The following HECW1 variants were observed in gnomAD, a reference collection of about 807,000 sequenced individuals.
HECW1 encodes E3 ubiquitin-protein ligase HECW1.
Under a neutral mutation model 182.3 loss-of-function variants are expected in HECW1, and 61 were observed. The observed-to-expected ratio is 0.33, with a 90% confidence interval of 0.27 to 0.41. The LOEUF (loss-of-function observed/expected upper bound fraction) is 0.41, where lower values mean the gene tolerates loss of function less well. Ranked by LOEUF, HECW1 falls within the 10% of genes least tolerant of loss-of-function variation. The pLI is 1.00. For synonymous variants in HECW1, 859 were observed against 832.6 expected (o/e 1.03, Z -0.55); for missense variants, 1,739 against 2,108.9 (o/e 0.82, Z 3.44).
intron 2 of HECW1, among the ~76,000 whole-genome samples, chr7:43,206,781 A>C (rs1795520250): frequency 6.6e-6 from 1 of 152,176 alleles, no homozygotes; most frequent in Non-Finnish European, 1.5e-5. Context: ...ATCTCTTCAG[A>C]TGGTTTCTTA....
intron 5 of HECW1, among the ~76,000 whole-genome samples, chr7:43,356,805 A>C (rs1000285548): frequency 4.6e-5 from 7 of 151,014 alleles, no homozygotes; most frequent in African/African-American, 1.7e-4. Flanking sequence ...TGGAGAAATT[A>C]AGAAAAAAGT....
chr7:43,344,789 C>T (rs1391221779), intron 5 of HECW1, among the ~76,000 whole-genome samples: 1 of 152,024 alleles, frequency 6.6e-6, no homozygotes, highest in East Asian at 1.9e-4. Context: ...GTTGTTTAAT[C>T]TACTGTTAAA....
chr7:43,321,241 T>C (rs1410080913), intron 5 of HECW1, among the ~76,000 whole-genome samples: 1 of 152,222 alleles, frequency 6.6e-6, no homozygotes, highest in Non-Finnish European at 1.5e-5. Flanking sequence ...CTGTGAGACA[T>C]TGGTACTACC....
intron 6 of HECW1, among the ~76,000 whole-genome samples, chr7:43,372,208 G>T (rs186653858): frequency 1.5e-4 from 23 of 152,234 alleles, no homozygotes; most frequent in African/African-American, 4.8e-4. Flanking sequence ...TTAATAGTTA[G>T]AAAAATTATT....
At chr7:43,412,111 G>T (rs4724203) in intron 8 of HECW1, among the ~76,000 whole-genome samples, 37,123 of 151,840 alleles carry the variant, frequency 0.24, 5,243 homozygotes, top group East Asian at 0.7. Flanking sequence ...ACACGGCTTT[G>T]CGTTACTTCC....
At chr7:43,386,545 G>T (rs1395993045) in intron 6 of HECW1, among the ~76,000 whole-genome samples, 1 of 152,238 alleles carries the variant, frequency 6.6e-6, no homozygotes, top group African/African-American at 2.4e-5. Flanking sequence ...TACATGAGCT[G>T]CCAACACTTG....
In HECW1 at chr7:43,231,694, G is replaced by A. The variant is rs533883249; in HGVS notation, c.-31-12181G>A. Among the ~76,000 whole-genome samples, 9 of 152,206 alleles carry A rather than the reference G, an allele frequency of 5.9e-5. No individual in the cohort carries two copies. In the South Asian group the frequency reaches 1.9e-3, roughly 32 times the overall value. On this transcript the variant is annotated intron_variant, in intron 2 of 29. Coordinates refer to ENST00000395891, the MANE Select transcript of HECW1 (RefSeq NM_015052.5). ...AACCAAGTCCCGGTGGCAGCATTGA[G>A]GAGGGCACACAAAATGTATTCTGAC...
chr7:43,271,022 C>A (rs1802342134), intron 3 of HECW1, among the ~76,000 whole-genome samples: 1 of 152,128 alleles, frequency 6.6e-6, no homozygotes, highest in South Asian at 2.1e-4. Flanking sequence ...TAGATAACTT[C>A]ACTTCTCTAC....
intron 3 of HECW1, among the ~76,000 whole-genome samples, chr7:43,272,820 T>A (rs1802575682): frequency 6.6e-6 from 1 of 152,228 alleles, no homozygotes; most frequent in South Asian, 2.1e-4. Context: ...CATTACTCTG[T>A]GTATTTCCAA....
rs1381664188 is a variant in HECW1, at chr7:43,565,209, T to A, written c.*3283T>A. On this transcript the variant is annotated 3_prime_UTR_variant, in exon 30 of 30. Transcript: ENST00000395891. ...ATCTACTGAACTCTTTGTAATTTCCTATGTATATAAATGAGTGGAGGTTGT... is the reference window on the plus strand; with the variant it reads ...ATCTACTGAACTCTTTGTAATTTCCAATGTATATAAATGAGTGGAGGTTGT... 1 of 202,398 alleles carries A rather than the reference T, an allele frequency of 4.9e-6. No homozygotes were observed. Among genetic ancestry groups the A allele is most frequent in the Non-Finnish European group, 1.0e-5 (1 of 98,426 alleles). The allele number at this position is 202,398 out of a possible 1,614,324, so 12.5% of individuals were successfully genotyped here. A position where few individuals can be genotyped will look rare whatever the true frequency, so the allele number is the denominator to read the frequency against.
chr7:43,290,627 G>A (rs572955400), intron 3 of HECW1, among the ~76,000 whole-genome samples: 12 of 152,298 alleles, frequency 7.9e-5, no homozygotes, highest in East Asian at 1.9e-4. Flanking sequence ...GGTCCATCCC[G>A]TCAGTTGGGC....
At chr7:43,394,306 C>T (rs1277977645) in intron 6 of HECW1, among the ~76,000 whole-genome samples, 1 of 152,138 alleles carries the variant, frequency 6.6e-6, no homozygotes, top group Admixed American at 6.5e-5. Context: ...TGGTGTCAGC[C>T]ATTGATGGGA....
At chr7:43,446,088 G>A (rs2077045652) in intron 11 of HECW1, among the ~76,000 whole-genome samples, 1 of 152,140 alleles carries the variant, frequency 6.6e-6, no homozygotes, top group South Asian at 2.1e-4. Context: ...ATATAGATAT[G>A]TCTAGCCTAC....
At chr7:43,353,928 C>G (rs1428587488) in intron 5 of HECW1, among the ~76,000 whole-genome samples, 1 of 152,166 alleles carries the variant, frequency 6.6e-6, no homozygotes, top group African/African-American at 2.4e-5. Flanking sequence ...TTCAGCAGCA[C>G]CATGCCGTGG....
intron 2 of HECW1, among the ~76,000 whole-genome samples, chr7:43,165,312 C>A (rs148056765): frequency 6.6e-6 from 1 of 151,536 alleles, no homozygotes; most frequent in African/African-American, 2.4e-5. Flanking sequence ...CATGTGCATA[C>A]AATTTCCAAC....
At chr7:43,216,721 C>G (rs1329901951) in intron 2 of HECW1, among the ~76,000 whole-genome samples, 1 of 151,854 alleles carries the variant, frequency 6.6e-6, no homozygotes, top group Non-Finnish European at 1.5e-5. Context: ...GTGACGTGAA[C>G]TCAGCTCACT....
intron 24 of HECW1, among the ~76,000 whole-genome samples, chr7:43,532,021 C>T (rs2081011849): frequency 6.6e-6 from 1 of 152,216 alleles, no homozygotes; most frequent in Non-Finnish European, 1.5e-5. Flanking sequence ...AGTACAACTG[C>T]CTGCTCCACA....
chr7:43,264,573 C>T (rs114161406), intron 3 of HECW1, among the ~76,000 whole-genome samples: 2,118 of 152,148 alleles, frequency 0.014, 52 homozygotes, highest in African/African-American at 0.046. Flanking sequence ...CAGCCAGGCG[C>T]GGTGGCTCAC....
At chr7:43,215,955 A>G (rs1016827826) in intron 2 of HECW1, among the ~76,000 whole-genome samples, 2 of 152,158 alleles carry the variant, frequency 1.3e-5, no homozygotes, top group Non-Finnish European at 2.9e-5. Flanking sequence ...GCAGACAGAG[A>G]CCACTGTAGT....
Sources: gnomAD v4.1 joint callset for allele counts (sites outside exome capture counted in the v4.1 genomes callset) on GRCh38, gnomAD v4.1.1 for gene constraint, MANE v1.5 for transcripts, NCBI Gene and HGNC (gene_info 2026-07-23, HGNC 2026-07-21) for gene names.